Variants in BMERB1 observed in about 807,000 individuals in gnomAD.
BMERB1 encodes the protein bMERB domain-containing protein 1.
In BMERB1, 12 loss-of-function variants were observed where a neutral mutation model predicts 23.6. The ratio of observed to expected loss-of-function variants is 0.51; its 90% CI spans 0.33 to 0.82. BMERB1 has a LOEUF of 0.82. Among genes scored for constraint, BMERB1 ranks in the 40% least tolerant of loss-of-function variants. The probability of loss-of-function intolerance (pLI) is 0.03; values close to 1 mark genes in which losing one functional copy is unlikely to be tolerated. For synonymous variants in BMERB1, 122 were observed against 96.6 expected (o/e 1.26, Z -1.54); for missense variants, 247 against 255.4 (o/e 0.97, Z 0.22).
intron 1 of BMERB1, 78 bp from the exon 2 acceptor site, chr16:15,515,227 G>T: frequency 6.3e-7 from 1 of 1,596,648 alleles, no homozygotes; most frequent in South Asian, 1.1e-5. Context: ...GCAAGGCTGT[G>T]CCCTGGAACC....
intron 2 of BMERB1, among the ~76,000 whole-genome samples, chr16:15,556,229 A>G (rs1219971625): frequency 6.6e-6 from 1 of 152,112 alleles, no homozygotes; most frequent in Admixed American, 6.6e-5. Flanking sequence ...TTGCACAGAA[A>G]TGTTGGCTGA....
intron 2 of BMERB1, among the ~76,000 whole-genome samples, chr16:15,539,462 C>G (rs1488414736): frequency 1.3e-5 from 2 of 152,166 alleles, no homozygotes; most frequent in Admixed American, 6.5e-5. Flanking sequence ...GGAACCCCTG[C>G]TTTATCAGAC....
At chr16:15,444,766 C>T (rs540913124) in intron 1 of BMERB1, among the ~76,000 whole-genome samples, 1 of 152,286 alleles carries the variant, frequency 6.6e-6, no homozygotes, top group Admixed American at 6.5e-5. Context: ...TATTTTGAGG[C>T]CTGGCTCTGC....
chr16:15,529,780 C>T (rs554558539), intron 2 of BMERB1, among the ~76,000 whole-genome samples: 5 of 152,262 alleles, frequency 3.3e-5, no homozygotes, highest in African/African-American at 9.6e-5. Context: ...CTGCCTGGCT[C>T]TCTGATGGTT....
At chr16:15,439,532 G>T (rs2150920181) in intron 1 of BMERB1, among the ~76,000 whole-genome samples, 1 of 152,154 alleles carries the variant, frequency 6.6e-6, no homozygotes, top group East Asian at 1.9e-4. Flanking sequence ...GTAAATTCTG[G>T]TTAATGATTC....
At chr16:15,475,920 C>A (rs191131458) in intron 1 of BMERB1, among the ~76,000 whole-genome samples, 191 of 152,278 alleles carry the variant, frequency 1.3e-3, no homozygotes, top group African/African-American at 4.5e-3. Flanking sequence ...GTCATGTAGA[C>A]CTGGTTGACT....
Position 15,434,630 on chromosome 16 carries a change from T to A in BMERB1, c.-24T>A, listed in dbSNP as rs1188317462. 3 of 1,604,952 alleles carry A rather than the reference T, an allele frequency of 1.9e-6. No individual in the cohort carries two copies. In the South Asian group the frequency reaches 3.3e-5, roughly 18 times the overall value. On this transcript the variant is annotated 5_prime_UTR_variant, in exon 1 of 6. Coordinates refer to ENST00000300006, the MANE Select transcript of BMERB1 (RefSeq NM_033201.3). ...CGGGAATGGAGTAAAGGGAGACCCG[T>A]CGACCTGGCCACGGGGATCAGCGAT... is the stretch of plus-strand genomic sequence containing the variant.
chr16:15,448,987 T>G (rs571959852), intron 1 of BMERB1, among the ~76,000 whole-genome samples: 16 of 152,228 alleles, frequency 1.1e-4, no homozygotes, highest in African/African-American at 3.9e-4. Flanking sequence ...TTACACACCT[T>G]AAATTTTTGA....
At chr16:15,571,771 G>C (rs1017482693) in intron 3 of BMERB1, among the ~76,000 whole-genome samples, 4 of 151,940 alleles carry the variant, frequency 2.6e-5, no homozygotes, top group African/African-American at 9.7e-5. Flanking sequence ...TAACAGGTAG[G>C]GGACTAAGAC....
At chr16:15,503,451 T>C (rs1391915123) in intron 1 of BMERB1, among the ~76,000 whole-genome samples, 1 of 144,938 alleles carries the variant, frequency 6.9e-6, no homozygotes, top group Non-Finnish European at 1.5e-5. Context: ...CCGGCTATTT[T>C]TTTTTTTTTT....
chr16:15,526,605 A>G (rs12920380), intron 2 of BMERB1, among the ~76,000 whole-genome samples: 38,177 of 146,416 alleles, frequency 0.26, 5,926 homozygotes, highest in East Asian at 0.51. Context: ...TGGAGGTTGC[A>G]GTGAGCTGAG....
intron 1 of BMERB1, among the ~76,000 whole-genome samples, chr16:15,509,313 T>G (rs2051629923): frequency 1.9e-5 from 1 of 53,884 alleles, no homozygotes. Flanking sequence ...TAAGGTCACG[T>G]GGTTGTGGAG....
At chr16:15,501,103 AAATAT>A (rs2051524772) in intron 1 of BMERB1, among the ~76,000 whole-genome samples, 1 of 152,152 alleles carries the variant, frequency 6.6e-6, no homozygotes, top group Non-Finnish European at 1.5e-5. Flanking sequence ...GGATTAAATA[AAATAT>A]GTTAGTGAAA....
chr16:15,584,212 C>T (rs2031084952), intron 5 of BMERB1: 7 of 579,332 alleles, frequency 1.2e-5, no homozygotes, highest in African/African-American at 3.8e-5. Context: ...GTTGACCCAG[C>T]GTTTCTCAAA....
intron 2 of BMERB1, among the ~76,000 whole-genome samples, chr16:15,525,728 AAAG>A (rs1272691823): frequency 2.0e-5 from 3 of 152,052 alleles, no homozygotes; most frequent in African/African-American, 7.2e-5. Flanking sequence ...AGAAAAAAGA[AAAG>A]AATAAAGAAA....
At chr16:15,437,280 A>T (rs940987118) in intron 1 of BMERB1, among the ~76,000 whole-genome samples, 1 of 151,996 alleles carries the variant, frequency 6.6e-6, no homozygotes, top group Non-Finnish European at 1.5e-5. Flanking sequence ...TTGAATCCTC[A>T]CTCTGTGCCT....
chr16:15,487,586 TTAAG>T (rs2051379072), intron 1 of BMERB1, among the ~76,000 whole-genome samples: 1 of 152,210 alleles, frequency 6.6e-6, no homozygotes, highest in African/African-American at 2.4e-5. Flanking sequence ...AGTTTATTTA[TTAAG>T]TTTCTTAAGT....
chr16:15,513,615 C>T (rs916247591), intron 1 of BMERB1, among the ~76,000 whole-genome samples: 1 of 151,940 alleles, frequency 6.6e-6, no homozygotes, highest in African/African-American at 2.4e-5. Context: ...AGTGTGTCTG[C>T]CCAGGCGCGG....
intron 2 of BMERB1, among the ~76,000 whole-genome samples, chr16:15,559,419 C>T (rs930384749): frequency 3.3e-5 from 5 of 152,042 alleles, no homozygotes; most frequent in Admixed American, 1.3e-4. Flanking sequence ...GGAGACAACA[C>T]GGTGAAATTG....
Sources: allele counts gnomAD v4.1 joint callset (sites outside exome capture counted in the v4.1 genomes callset), GRCh38; gene constraint gnomAD v4.1.1; transcripts MANE v1.5; gene names NCBI Gene and HGNC (gene_info 2026-07-23, HGNC 2026-07-21).